The following OPCML variants were observed in gnomAD, a reference collection of about 807,000 sequenced individuals.
OPCML encodes the protein opioid binding protein/cell adhesion molecule like.
In OPCML, 13 loss-of-function variants were observed where a neutral mutation model predicts 37.8. The observed-to-expected ratio is 0.34, with a 90% CI of 0.22 to 0.55. The LOEUF (loss-of-function observed/expected upper bound fraction) is 0.55, where lower values mean the gene tolerates loss of function less well. Among genes scored for constraint, OPCML ranks in the 20% least tolerant of loss-of-function variants. OPCML has a pLI of 0.91. For synonymous variants in OPCML, 176 were observed against 168.8 expected (o/e 1.04, Z -0.33); for missense variants, 341 against 435.6 (o/e 0.78, Z 1.93).
chr11:133,525,750 C>T (rs1948477453), intron 1 of OPCML, among the ~76,000 whole-genome samples: 3 of 152,222 alleles, frequency 2.0e-5, no homozygotes, highest in Non-Finnish European at 4.4e-5. Flanking sequence ...TTGAGAGACT[C>T]TGCCCCTTGA....
At chr11:133,089,079 T>C (rs1343533801) in intron 1 of OPCML, among the ~76,000 whole-genome samples, 2 of 152,164 alleles carry the variant, frequency 1.3e-5, no homozygotes, top group Non-Finnish European at 2.9e-5. Context: ...TATAGAATCG[T>C]TGGATCTAAG....
intron 3 of OPCML, among the ~76,000 whole-genome samples, chr11:132,626,402 A>G (rs1250892317): frequency 6.6e-6 from 1 of 152,116 alleles, no homozygotes; most frequent in Non-Finnish European, 1.5e-5. Flanking sequence ...AAAGTAAGAT[A>G]CTATGAGGAA....
At chr11:133,021,540 A>G (rs1221880814) in intron 1 of OPCML, among the ~76,000 whole-genome samples, 3 of 152,162 alleles carry the variant, frequency 2.0e-5, no homozygotes, top group African/African-American at 7.2e-5. Context: ...GAGACAGGAT[A>G]ATCAAGTGGG....
chr11:132,962,142 T>C (rs2136725557), intron 1 of OPCML, among the ~76,000 whole-genome samples: 1 of 152,372 alleles, frequency 6.6e-6, no homozygotes, highest in South Asian at 2.1e-4. Context: ...GTGACACTTT[T>C]CCGTAGGAGG....
intron 3 of OPCML, among the ~76,000 whole-genome samples, chr11:132,600,102 C>A (rs1211479181): frequency 6.6e-6 from 1 of 152,166 alleles, no homozygotes; most frequent in Non-Finnish European, 1.5e-5. Context: ...TCCTTCTGAG[C>A]TGCTTGGTCC....
intron 2 of OPCML, among the ~76,000 whole-genome samples, chr11:132,883,607 C>A (rs188944654): frequency 1.3e-5 from 2 of 151,994 alleles, no homozygotes; most frequent in Non-Finnish European, 2.9e-5. Context: ...ATACTGTTAG[C>A]GTTTTGAGAC....
At chr11:132,801,641 T>C (rs1938653339) in intron 2 of OPCML, among the ~76,000 whole-genome samples, 1 of 152,232 alleles carries the variant, frequency 6.6e-6, no homozygotes, top group Non-Finnish European at 1.5e-5. Context: ...TTTAAACTGC[T>C]TTTGACAGAG....
chr11:133,018,759 A>G (rs1947387283), intron 1 of OPCML, among the ~76,000 whole-genome samples: 2 of 152,338 alleles, frequency 1.3e-5, no homozygotes, highest in Admixed American at 1.3e-4. Flanking sequence ...GGCACACAGC[A>G]TCACCTATGG....
intron 2 of OPCML, among the ~76,000 whole-genome samples, chr11:132,819,990 T>C (rs1939879380): frequency 6.6e-6 from 1 of 152,106 alleles, no homozygotes; most frequent in South Asian, 2.1e-4. Context: ...CTCCATCCAG[T>C]GCCTTCCCTG....
intron 2 of OPCML, among the ~76,000 whole-genome samples, chr11:132,863,712 G>A (rs2136368268): frequency 6.6e-6 from 1 of 152,276 alleles, no homozygotes; most frequent in South Asian, 2.1e-4. Flanking sequence ...TTGTTTGACT[G>A]AAGGCCATAA....
intron 2 of OPCML, among the ~76,000 whole-genome samples, chr11:132,857,868 C>A (rs569810995): frequency 2.6e-4 from 39 of 152,248 alleles, no homozygotes; most frequent in South Asian, 8.3e-4. Flanking sequence ...GAATCCTCAA[C>A]AATTTTAAGC....
chr11:132,832,824 G>T (rs923787090), intron 2 of OPCML, among the ~76,000 whole-genome samples: 1 of 152,196 alleles, frequency 6.6e-6, no homozygotes, highest in African/African-American at 2.4e-5. Context: ...TGTACGGCAC[G>T]TAACTGAATA....
At chr11:132,638,605 C>A (rs1940668143) in intron 3 of OPCML, among the ~76,000 whole-genome samples, 1 of 152,132 alleles carries the variant, frequency 6.6e-6, no homozygotes. Context: ...CATAACATCA[C>A]TATTGTGGAA....
chr11:133,446,883 T>C (rs1208537633), intron 1 of OPCML, among the ~76,000 whole-genome samples: 2 of 152,258 alleles, frequency 1.3e-5, no homozygotes, highest in African/African-American at 4.8e-5. Context: ...TTTCTTTCTA[T>C]TGTTGAATAG....
At chr11:132,695,932 A>G (rs1346045389) in intron 2 of OPCML, among the ~76,000 whole-genome samples, 1 of 152,120 alleles carries the variant, frequency 6.6e-6, no homozygotes, top group Non-Finnish European at 1.5e-5. Flanking sequence ...AATTGAAGGC[A>G]GAGGTATGGA....
At chr11:133,380,910 C>G (rs1487521250) in intron 1 of OPCML, among the ~76,000 whole-genome samples, 1 of 152,158 alleles carries the variant, frequency 6.6e-6, no homozygotes, top group African/African-American at 2.4e-5. Flanking sequence ...CACACCAAGA[C>G]AACACCAAGA....
intron 2 of OPCML, among the ~76,000 whole-genome samples, chr11:132,719,660 T>C (rs536879177): frequency 2.0e-5 from 3 of 152,214 alleles, no homozygotes; most frequent in East Asian, 3.9e-4. Flanking sequence ...CCAGGAGAAG[T>C]CAGGAAGAGA....
chr11:132,726,889 C>A (rs1278539376), intron 2 of OPCML, among the ~76,000 whole-genome samples: 1 of 152,170 alleles, frequency 6.6e-6, no homozygotes, highest in East Asian at 1.9e-4. Context: ...TCCTACCAAA[C>A]CCCTCCCTTT....
chr11:132,752,035 T>C (rs1053734355), intron 2 of OPCML, among the ~76,000 whole-genome samples: 32 of 152,158 alleles, frequency 2.1e-4, no homozygotes, highest in Admixed American at 2.0e-3. Context: ...CATGCGATAC[T>C]ACAGAACAAT....
Sources: gnomAD v4.1 joint callset for allele counts (sites outside exome capture counted in the v4.1 genomes callset) on GRCh38, gnomAD v4.1.1 for gene constraint, MANE v1.5 for transcripts, NCBI Gene and HGNC (gene_info 2026-07-23, HGNC 2026-07-21) for gene names.